Variants in EIF5B observed in about 807,000 individuals in gnomAD.
EIF5B encodes the protein eIF-5B.
A neutral mutation model predicts 147.5 loss-of-function variants in EIF5B; 47 were observed. The ratio of observed to expected loss-of-function variants is 0.32; its 90% CI spans 0.25 to 0.41. The LOEUF is 0.41. Ranked by LOEUF, EIF5B falls within the 10% of genes least tolerant of loss-of-function variation. The probability of loss-of-function intolerance (pLI) is 1.00; values close to 1 mark genes in which losing one functional copy is unlikely to be tolerated. For missense variants in EIF5B, 1,064 were observed against 1,413.2 expected (o/e 0.75, Z 3.96); for synonymous variants, 455 against 456.2 (o/e 1.00, Z 0.03).
At chr2:99,354,680 A>G (rs1030243320) in intron 1 of EIF5B, among the ~76,000 whole-genome samples, 1 of 151,828 alleles carries the variant, frequency 6.6e-6, no homozygotes, top group Non-Finnish European at 1.5e-5. Context: ...TCACTCTTGG[A>G]TAAGGACTGA....
chr2:99,355,172 C>G (rs1390253548), intron 1 of EIF5B, among the ~76,000 whole-genome samples: 1 of 152,122 alleles, frequency 6.6e-6, no homozygotes, highest in Admixed American at 6.6e-5. Flanking sequence ...GTGTCTATTC[C>G]TTTGCCAGTA....
At chr2:99,347,826 G>A (rs1421655807) in intron 1 of EIF5B, among the ~76,000 whole-genome samples, 1 of 152,142 alleles carries the variant, frequency 6.6e-6, no homozygotes, top group African/African-American at 2.4e-5. Flanking sequence ...ATTTTGGGGG[G>A]TAGGGGTTGT....
intron 1 of EIF5B, among the ~76,000 whole-genome samples, chr2:99,359,206 CAA>C (rs70940172): frequency 1.4e-5 from 2 of 140,662 alleles, no homozygotes; most frequent in Non-Finnish European, 1.5e-5. Flanking sequence ...ACTTAAAATA[CAA>C]AAAAAAAAAA....
chr2:99,399,109 C>G (rs1675137934), intron 23 of EIF5B, 198 bp from the exon 24 acceptor site: 3 of 802,050 alleles, frequency 3.7e-6, no homozygotes, highest in Non-Finnish European at 3.9e-6. Flanking sequence ...ACAGAGAAAG[C>G]TAGGACTTTT....
chr2:99,386,640 G>A (rs1674814993), intron 14 of EIF5B, among the ~76,000 whole-genome samples: 1 of 149,544 alleles, frequency 6.7e-6, no homozygotes, highest in Non-Finnish European at 1.5e-5. Context: ...AGCGATTCTT[G>A]TGCCTAAGCC....
At chr2:99,355,055 G>A (rs1340635554) in intron 1 of EIF5B, among the ~76,000 whole-genome samples, 5 of 151,876 alleles carry the variant, frequency 3.3e-5, no homozygotes, top group African/African-American at 4.8e-5. Flanking sequence ...CACCTGCCTC[G>A]GCCTCCCAAA....
chr2:99,375,926 T>A (rs1674556465), intron 9 of EIF5B, among the ~76,000 whole-genome samples: 1 of 152,154 alleles, frequency 6.6e-6, no homozygotes, highest in Non-Finnish European at 1.5e-5. Flanking sequence ...CGATTTCAGA[T>A]GCAAATATTC....
chr2:99,384,047 G>A (rs1674747020), intron 14 of EIF5B, among the ~76,000 whole-genome samples: 1 of 151,418 alleles, frequency 6.6e-6, no homozygotes, highest in Non-Finnish European at 1.5e-5. Flanking sequence ...AATACAAAAA[G>A]TTAGCCGGGC....
rs545093435 is a variant in EIF5B at position 99,337,702 on chromosome 2, G to A, written c.35+113G>A. 3.0e-6 allele frequency: 4 copies of A among 1,352,020 alleles called. No homozygotes were observed. The East Asian group carries it at 7.7e-5, about 26-fold the overall frequency. 83.8% of individuals were successfully genotyped at this position (1,352,020 alleles called of 1,614,324 possible). A position where few individuals can be genotyped will look rare whatever the true frequency, so the allele number is the denominator to read the frequency against. ...CTGGGCTCGCGATGAGCTTCGCGGG[G>A]TACCAGGCCTGGGCCCAGAGTGTGC... On this transcript the variant is annotated intron_variant, in intron 1 of 23. Coordinates refer to ENST00000289371, the MANE Select transcript of EIF5B (RefSeq NM_015904.4).
chr2:99,363,819 G>A lies in EIF5B; in HGVS notation c.1094G>A (p.Arg365His), dbSNP rs751105863. ...AGACAGAAGAGAGAAGAGGAAGAAC[G>A]TATAAAACGGCTTGAAGAATTAGAA... Reference protein sequence around the residue: ...EERQKREEEERIKRLEELEAK... With the variant: ...EERQKREEEEHIKRLEELEAK... The change falls in exon 5 of 24, where the codon CGT (arginine) becomes CAT (histidine). Residue 365 changes from arginine (R) to histidine (H), a missense_variant. Arg to His is a conservative substitution (Grantham distance 29). This residue lies in a region of EIF5B where 458 missense variants were observed against 451.3 expected (regional missense o/e 1.01). Coordinates refer to ENST00000289371, the MANE Select transcript of EIF5B (RefSeq NM_015904.4). The A allele has an allele frequency of 1.3e-5, 21 of 1,612,048 alleles. No individual in the cohort carries two copies. Among genetic ancestry groups the A allele is most frequent in the Middle Eastern group, 1.6e-4 (1 of 6,076 alleles).
At chr2:99,396,212 TAAC>T (rs1041619882) in intron 21 of EIF5B, among the ~76,000 whole-genome samples, 3 of 152,198 alleles carry the variant, frequency 2.0e-5, no homozygotes, top group Non-Finnish European at 2.9e-5. Flanking sequence ...GAATTCTACT[TAAC>T]AAGACTGCTG....
rs1674211571 is a variant in EIF5B at position 99,361,424 on chromosome 2, A to G, written c.523A>G (p.Lys175Glu). The G allele has an allele frequency of 6.2e-7, 1 of 1,613,990 alleles. No individual in the cohort carries two copies. The highest frequency in any genetic ancestry group is 2.2e-5 in the East Asian group (1 of 44,868). ...EEDEDNSKKI[K>E]ERSRINSSGE... ...GGATGAGGATAACAGTAAAAAAATT[A>G]AAGAGCGTTCAAGAATAAATTCTTC... The change falls in exon 4 of 24, where the codon AAA becomes GAA. Residue 175 changes from lysine to glutamate, a missense_variant. Around this residue, in one of 4 missense-constraint regions of EIF5B, gnomAD observed 458 missense variants for 451.3 expected, o/e 1.01. Coordinates refer to ENST00000289371, the MANE Select transcript of EIF5B (RefSeq NM_015904.4).
At chr2:99,373,163 G>T (rs1323238107) in intron 9 of EIF5B, among the ~76,000 whole-genome samples, 9 of 152,120 alleles carry the variant, frequency 5.9e-5, no homozygotes, top group Admixed American at 5.9e-4. Context: ...CACGAGCTTT[G>T]ATTTACATGA....
rs1674269031 is a variant in EIF5B, at chr2:99,363,715, A to G, written c.990A>G (p.Lys330=). Reference sequence around the variant, plus strand: ...AAGGAGAAAAGGAAGAAAAAGAGAAAGAGAAGAAAAAAGGACCTAGCAAAG... The same window carrying G: ...AAGGAGAAAAGGAAGAAAAAGAGAAGGAGAAGAAAAAAGGACCTAGCAAAG... ...KKKGEKEEKE[K]EKKKGPSKAT... is the part of the protein sequence containing the mutation. The change falls in exon 5 of 24, where the codon AAA becomes AAG. Residue 330 remains lysine (K), a synonymous_variant. Coordinates refer to ENST00000289371, the MANE Select transcript of EIF5B (RefSeq NM_015904.4). The G allele has an allele frequency of 6.2e-7, 1 of 1,604,942 alleles. No individual in the cohort carries two copies. The highest frequency in any genetic ancestry group is 1.4e-5 in the African/African-American group (1 of 74,042).
At chr2:99,383,074 G>A (rs1171147760) in intron 14 of EIF5B, among the ~76,000 whole-genome samples, 153 bp downstream of exon 14, 1 of 151,092 alleles carries the variant, frequency 6.6e-6, no homozygotes, top group African/African-American at 2.4e-5. Context: ...GTGTGTATTT[G>A]TGTATAGTTT....
intron 13 of EIF5B, 102 bp downstream of exon 13, chr2:99,382,328 T>C (rs755567929): frequency 1.5e-5 from 13 of 875,918 alleles, no homozygotes; most frequent in Non-Finnish European, 2.2e-5. Context: ...ATTTGATCTC[T>C]ATAACTACCA....
rs772035795 is a variant in EIF5B, at chr2:99,368,449, A to T, written c.1289-44A>T. 2.2e-6 allele frequency: 3 copies of T among 1,386,796 alleles called. No homozygotes were observed. The East Asian group carries it at 6.9e-5, about 32-fold the overall frequency. 85.9% of individuals were successfully genotyped at this position (1,386,796 alleles called of 1,614,324 possible). A position where few individuals can be genotyped will look rare whatever the true frequency, so the allele number is the denominator to read the frequency against. On this transcript the variant is annotated intron_variant, in intron 6 of 23. Coordinates refer to ENST00000289371, the MANE Select transcript of EIF5B (RefSeq NM_015904.4). ...CTTTAAATAGTACTTCTCAGGTGACATGCAAGTAGTATAAGCCTGAAGTTT... is the reference window on the plus strand; with the variant it reads ...CTTTAAATAGTACTTCTCAGGTGACTTGCAAGTAGTATAAGCCTGAAGTTT...
intron 14 of EIF5B, among the ~76,000 whole-genome samples, chr2:99,386,468 CGTGT>C (rs61494312): frequency 0.026 from 3,729 of 142,438 alleles, 69 homozygotes; most frequent in Middle Eastern, 0.041. Context: ...TTTTGTTTTG[CGTGT>C]GTGTGTGTGT....
At chr2:99,362,851 C>CA (rs1458926409) in intron 4 of EIF5B, among the ~76,000 whole-genome samples, 3 of 151,810 alleles carry the variant, frequency 2.0e-5, no homozygotes, top group Non-Finnish European at 4.4e-5. Context: ...CTCCTCTTTA[C>CA]AGGTTCGAGT....
Sources: allele counts gnomAD v4.1 joint callset (sites outside exome capture counted in the v4.1 genomes callset), GRCh38; gene constraint gnomAD v4.1.1; regional missense constraint gnomAD v4.1.1; transcripts MANE v1.5; gene names NCBI Gene and HGNC (gene_info 2026-07-23, HGNC 2026-07-21).